Variants in ABLIM1 observed in about 807,000 individuals in gnomAD.
The protein encoded by ABLIM1 is actin-binding LIM protein 1.
In ABLIM1, 40 loss-of-function variants were observed where a neutral mutation model predicts 107.0. The ratio of observed to expected loss-of-function variants is 0.37; its 90% confidence interval spans 0.29 to 0.49. The LOEUF (loss-of-function observed/expected upper bound fraction) is 0.49, where lower values mean the gene tolerates loss of function less well. Among genes scored for constraint, ABLIM1 ranks in the 20% least tolerant of loss-of-function variants. The pLI, the probability that ABLIM1 is intolerant of heterozygous loss-of-function variation, is 0.97. For synonymous variants in ABLIM1, 357 were observed against 357.3 expected (o/e 1.00, Z 0.01); for missense variants, 857 against 1,008.5 (o/e 0.85, Z 2.04).
chr10:114,436,175 C>G lies in ABLIM1; in HGVS notation c.*85G>C. On this transcript the variant is annotated 3_prime_UTR_variant, in exon 23 of 23. Transcript: ENST00000533213. ...TGAGCGACGGTAGTTTGCAAATTCT[C>G]CAATCAAGTTTGGGCCTCAATATGA... The G allele has an allele frequency of 2.8e-6, 3 of 1,079,212 alleles. No homozygotes were observed. Among genetic ancestry groups the G allele is most frequent in the Non-Finnish European group, 4.1e-6 (3 of 732,576 alleles). 66.9% of individuals were successfully genotyped at this position (1,079,212 alleles called of 1,614,324 possible).
At chr10:114,753,813 C>T (rs1054501260) in intron 1 of ABLIM1, among the ~76,000 whole-genome samples, 3 of 152,166 alleles carry the variant, frequency 2.0e-5, no homozygotes, top group Admixed American at 6.5e-5. Context: ...GCTGAAAAAA[C>T]ACAACTGTTT....
At chr10:114,449,372 C>T (rs1370992433) in intron 14 of ABLIM1, among the ~76,000 whole-genome samples, 1 of 152,198 alleles carries the variant, frequency 6.6e-6, no homozygotes, top group Non-Finnish European at 1.5e-5. Context: ...GCTCTAAGTC[C>T]TCCATTTTTC....
At chr10:114,745,476 G>A (rs2082365101) in intron 1 of ABLIM1, among the ~76,000 whole-genome samples, 1 of 152,206 alleles carries the variant, frequency 6.6e-6, no homozygotes, top group Non-Finnish European at 1.5e-5. Context: ...CAGGATAATC[G>A]CTGGAACCTG....
At chr10:114,582,706 A>G (rs2073538757) in intron 2 of ABLIM1, among the ~76,000 whole-genome samples, 1 of 152,212 alleles carries the variant, frequency 6.6e-6, no homozygotes. Context: ...AAATAAAGTT[A>G]CATACCTACT....
intron 1 of ABLIM1, among the ~76,000 whole-genome samples, chr10:114,750,644 ATG>A (rs2142413917): frequency 6.6e-6 from 1 of 152,364 alleles, no homozygotes; most frequent in East Asian, 1.9e-4. Context: ...ATTTTAACAA[ATG>A]AAATATGTGT....
intron 6 of ABLIM1, among the ~76,000 whole-genome samples, chr10:114,526,441 C>T (rs986654732): frequency 6.6e-6 from 1 of 152,178 alleles, no homozygotes; most frequent in African/African-American, 2.4e-5. Context: ...AGTTCTGTAT[C>T]GATGAACAAA....
At chr10:114,796,921 A>T in the ABLIM1 span, among the ~76,000 whole-genome samples, 1 of 152,138 alleles carries the variant, frequency 6.6e-6, no homozygotes, top group Non-Finnish European at 1.5e-5. Context: ...CTCATGGGTG[A>T]CCCATCCCAA....
Position 114,584,769 on chromosome 10 carries a change from G to T in ABLIM1, c.380-9170C>A, listed in dbSNP as rs1685829182. ...ACAAGCTCAACCAGATGATAAAACGGGCCCCACAGCCAGGCATTTGAGAGT... is the reference window on the plus strand; with the variant it reads ...ACAAGCTCAACCAGATGATAAAACGTGCCCCACAGCCAGGCATTTGAGAGT... On this transcript the variant is annotated intron_variant, in intron 2 of 22. Coordinates refer to ENST00000533213, the MANE Select transcript of ABLIM1 (RefSeq NM_002313.7). 2.0e-5 allele frequency among the ~76,000 whole-genome samples: 3 copies of T among 152,182 alleles called. No homozygotes were observed. In the South Asian group the frequency reaches 6.2e-4, roughly 32 times the overall value.
intron 1 of ABLIM1, among the ~76,000 whole-genome samples, chr10:114,704,256 CTCTA>C (rs1286095530): frequency 1.7e-5 from 2 of 117,578 alleles, no homozygotes; most frequent in African/African-American, 3.2e-5. Context: ...CTCTCTGACA[CTCTA>C]TCTCTCTCTC....
intron 1 of ABLIM1, among the ~76,000 whole-genome samples, chr10:114,762,006 C>CTT (rs2082759095): frequency 1.3e-5 from 2 of 151,870 alleles, no homozygotes; most frequent in South Asian, 4.2e-4. Context: ...CTCTCTCTCT[C>CTT]TCTCACTCGC....
At chr10:114,586,128 C>T (rs929212733) in intron 2 of ABLIM1, among the ~76,000 whole-genome samples, 2 of 152,186 alleles carry the variant, frequency 1.3e-5, no homozygotes, top group African/African-American at 4.8e-5. Context: ...CCTGAAACTA[C>T]CTAACTGGCA....
At chr10:114,538,292 T>A (rs1168872791) in intron 6 of ABLIM1, among the ~76,000 whole-genome samples, 1 of 152,220 alleles carries the variant, frequency 6.6e-6, no homozygotes, top group African/African-American at 2.4e-5. Flanking sequence ...AATCCCATTG[T>A]GATTCCATTT....
intron 13 of ABLIM1, among the ~76,000 whole-genome samples, chr10:114,452,235 A>T (rs899372713): frequency 9.2e-5 from 14 of 152,314 alleles, no homozygotes; most frequent in East Asian, 3.9e-4. Flanking sequence ...CAAATTTTTT[A>T]AAAAAAGAAT....
intron 2 of ABLIM1, among the ~76,000 whole-genome samples, chr10:114,575,923 G>T (rs775150518): frequency 8.5e-5 from 13 of 152,172 alleles, no homozygotes; most frequent in Non-Finnish European, 1.5e-4. Context: ...CCCTGGCAGT[G>T]TGCTATTTAG....
intron 1 of ABLIM1, among the ~76,000 whole-genome samples, chr10:114,651,307 A>G (rs1451719455): frequency 6.6e-6 from 1 of 152,172 alleles, no homozygotes; most frequent in Non-Finnish European, 1.5e-5. Flanking sequence ...AGTGTATGAA[A>G]AGGGAGAAGC....
intron 1 of ABLIM1, among the ~76,000 whole-genome samples, chr10:114,716,155 A>G (rs1356576777): frequency 6.6e-6 from 1 of 152,226 alleles, no homozygotes; most frequent in Non-Finnish European, 1.5e-5. Flanking sequence ...CCAAGAGCTG[A>G]CATTATATGT....
At chr10:114,565,491 C>T (rs1006517554) in intron 4 of ABLIM1, among the ~76,000 whole-genome samples, 4 of 152,092 alleles carry the variant, frequency 2.6e-5, no homozygotes, top group African/African-American at 9.7e-5. Context: ...GATCTATGAC[C>T]ATCCCATTTC....
At chr10:114,599,656 AGGTACCTG>A (rs1268119929) in intron 2 of ABLIM1, among the ~76,000 whole-genome samples, 1 of 151,876 alleles carries the variant, frequency 6.6e-6, no homozygotes, top group Non-Finnish European at 1.5e-5. Flanking sequence ...GCACGGTGGC[AGGTACCTG>A]TAATCCCAGC....
intron 17 of ABLIM1, among the ~76,000 whole-genome samples, chr10:114,443,235 T>C (rs1441185799): frequency 6.6e-6 from 1 of 152,218 alleles, no homozygotes; most frequent in Non-Finnish European, 1.5e-5. Context: ...TGATAGGCTA[T>C]TTCAGCCCAG....
Sources: allele counts gnomAD v4.1 joint callset (sites outside exome capture counted in the v4.1 genomes callset), GRCh38; gene constraint gnomAD v4.1.1; transcripts MANE v1.5; gene names NCBI Gene and HGNC (gene_info 2026-07-23, HGNC 2026-07-21).